Variants in ACOT7 observed in about 807,000 individuals in gnomAD.
ACOT7 encodes acyl-CoA thioesterase 7.
ACOT7 carries 12 observed loss-of-function variants against 40.2 expected under a neutral mutation model. The ratio of observed to expected loss-of-function variants is 0.30; its 90% CI spans 0.19 to 0.48. The LOEUF is 0.48. Among genes scored for constraint, ACOT7 ranks in the 20% least tolerant of loss-of-function variants. The probability of loss-of-function intolerance (pLI) is 0.99; values close to 1 mark genes in which losing one functional copy is unlikely to be tolerated. For missense variants in ACOT7, 395 were observed against 530.8 expected, an observed-to-expected ratio of 0.74 and a Z score of 2.51; for synonymous variants, 228 against 219.5, an observed-to-expected ratio of 1.04 and a Z score of -0.34.
intron 6 of ACOT7, among the ~76,000 whole-genome samples, chr1:6,296,448 G>A (rs1450454192): frequency 2.0e-5 from 3 of 150,950 alleles, no homozygotes; most frequent in Non-Finnish European, 4.4e-5. Context: ...TTTTGAGACG[G>A]AGTCTCGCAC....
chr1:6,356,937 G>T lies in ACOT7; in HGVS notation c.144-7071C>A, dbSNP rs1312958201. 4.7e-5 allele frequency among the ~76,000 whole-genome samples: 7 copies of T among 148,508 alleles called. 1 individual carries two copies. In the East Asian group the frequency reaches 7.9e-4, roughly 17 times the overall value. The stretch of plus-strand genomic sequence containing the variant: ...GTGTCTCAAAAAAAAAAAAAAGGAC[G>T]ACGACGACTACACTTTTGTGGCTGG... On this transcript the variant is annotated intron_variant, in intron 1 of 8. Transcript: ENST00000361521.
chr1:6,305,733 C>T (rs1348727001), intron 6 of ACOT7, among the ~76,000 whole-genome samples: 1 of 150,178 alleles, frequency 6.7e-6, no homozygotes, highest in African/African-American at 2.4e-5. Context: ...AGGCTCCTCA[C>T]ATCCCAGACG....
intron 5 of ACOT7, among the ~76,000 whole-genome samples, chr1:6,325,299 G>A (rs1640767374): frequency 6.6e-6 from 1 of 152,020 alleles, no homozygotes; most frequent in Non-Finnish European, 1.5e-5. Context: ...TGGGGAGGCT[G>A]AGGCAGGAGA....
rs1219251937 is a variant in ACOT7 at position 6,289,352 on chromosome 1, G to A, written c.829+5512C>T. ...TGACCTCAGGTGATCAGACTGCCTC[G>A]GCCTCCCAAAGTGCTGGGATTACAG... On this transcript the variant is annotated intron_variant, in intron 7 of 8. Transcript: ENST00000361521. The surrounding 1 kb of genome is among the most constrained non-coding windows in gnomAD (Gnocchi z 4.6). Among the ~76,000 whole-genome samples, 6 of 151,164 alleles carry A rather than the reference G, an allele frequency of 4.0e-5. No individual in the cohort carries two copies. The highest frequency in any genetic ancestry group is 9.7e-5 in the African/African-American group (4 of 41,054).
chr1:6,327,787 TG>T (rs199815001), intron 4 of ACOT7, among the ~76,000 whole-genome samples: 1 of 152,282 alleles, frequency 6.6e-6, no homozygotes, highest in African/African-American at 2.4e-5. Context: ...TTCTTTTCTT[TG>T]TTTTTGAGAT....
chr1:6,358,663 G>T lies in ACOT7; in HGVS notation c.144-8797C>A, dbSNP rs2148464422. 6.6e-6 allele frequency among the ~76,000 whole-genome samples: 1 copy of T among 152,318 alleles called. No individual in the cohort carries two copies. Among genetic ancestry groups the T allele is most frequent in the South Asian group, 2.1e-4 (1 of 4,830 alleles). ...AATCTTGGGGGTCAGTAAGAGCCAGGCCAGGTGGGTGCCCTACTGCCCTTC... is the reference window on the plus strand; with the variant it reads ...AATCTTGGGGGTCAGTAAGAGCCAGTCCAGGTGGGTGCCCTACTGCCCTTC... On this transcript the variant is annotated intron_variant, in intron 1 of 8. Transcript: ENST00000361521. The surrounding 1 kb of genome is among the most constrained non-coding windows in gnomAD (Gnocchi z 4.1).
intron 5 of ACOT7, among the ~76,000 whole-genome samples, chr1:6,320,936 C>G (rs1350674724): frequency 6.6e-6 from 1 of 152,240 alleles, no homozygotes; most frequent in Non-Finnish European, 1.5e-5. Flanking sequence ...GATGAGTTAC[C>G]TACACTTGCA....
In ACOT7 at chr1:6,393,365, C is replaced by A; in HGVS notation, c.35G>T (p.Gly12Val). The change falls in exon 1 of 9, where the codon GGC becomes GTC. Residue 12 changes from glycine to valine, a missense_variant. By Grantham distance (109) the Gly-to-Val change is moderately radical. This residue lies in a region of ACOT7 where 86 missense variants were observed against 60.5 expected (regional missense o/e 1.42). Coordinates refer to ENST00000361521, the MANE Select transcript of ACOT7 (RefSeq NM_007274.4). ...CAGAAGGGCGCAGGTGTCTGGCAGG[C>A]CCGGCGCGGAATGAATGAGCCCGGG... Reference protein sequence around the residue: ...ARPGLIHSAPGLPDTCALLQP... With the variant: ...ARPGLIHSAPVLPDTCALLQP... The A allele has an allele frequency of 1.6e-6, 2 of 1,238,354 alleles. No individual in the cohort carries two copies. The highest frequency in any genetic ancestry group is 7.9e-5 in the South Asian group (2 of 25,244). 76.7% of individuals were successfully genotyped at this position (1,238,354 alleles called of 1,614,324 possible).
intron 8 of ACOT7, among the ~76,000 whole-genome samples, chr1:6,266,890 C>T (rs963064831): frequency 6.6e-6 from 1 of 152,244 alleles, no homozygotes; most frequent in South Asian, 2.1e-4. Flanking sequence ...GGGGTTGGTA[C>T]TGGGTTCTGC....
At position 6,338,604 on chromosome 1, in the gene ACOT7, G is replaced by A. The variant is rs533128124; in HGVS notation, c.418+829C>T. Among the ~76,000 whole-genome samples the A allele has an allele frequency of 3.5e-4, 54 of 152,312 alleles. No individual in the cohort carries two copies. The highest frequency in any genetic ancestry group is 1.2e-3 in the African/African-American group (48 of 41,574). On this transcript the variant is annotated intron_variant, in intron 3 of 8. Transcript: ENST00000361521. This position sits in a 1 kb window ranked among gnomAD's most constrained non-coding sequence, Gnocchi z 4.4. ...CTCAGAATGTTCTAGATGCATAATC[G>A]TGCTTGCTACCGGCCCGTCATGAGG...
chr1:6,333,898 A>G (rs113302605), intron 3 of ACOT7, among the ~76,000 whole-genome samples: 5 of 152,266 alleles, frequency 3.3e-5, no homozygotes, highest in Admixed American at 1.3e-4. Context: ...GCCCCTCCCA[A>G]CGCACCCACT....
chr1:6,308,225 C>T (rs1382559937), intron 6 of ACOT7, among the ~76,000 whole-genome samples: 6 of 143,338 alleles, frequency 4.2e-5, no homozygotes, highest in Non-Finnish European at 7.5e-5. Context: ...GAGGGAACCA[C>T]GACCAGGCAG....
intron 5 of ACOT7, among the ~76,000 whole-genome samples, chr1:6,324,787 C>T (rs1640752831): frequency 6.6e-6 from 1 of 152,220 alleles, no homozygotes; most frequent in Non-Finnish European, 1.5e-5. Context: ...TTGGGGCCCA[C>T]CTGCATAACC....
At chr1:6,300,812 C>T (rs763845098) in intron 6 of ACOT7, among the ~76,000 whole-genome samples, 6 of 151,978 alleles carry the variant, frequency 3.9e-5, no homozygotes, top group Non-Finnish European at 7.4e-5. Context: ...TATCCTGATG[C>T]GCGGCCGGTC....
At position 6,275,017 on chromosome 1, in the gene ACOT7, G is replaced by A. The variant is rs960380107; in HGVS notation, c.1014+6085C>T. ...TCACAGATGGGCCTGCTGGCCGTGC[G>A]ACCCCTGGCGAGTGACTCCCTGCCT... On this transcript the variant is annotated intron_variant, in intron 8 of 8. Coordinates refer to ENST00000361521, the MANE Select transcript of ACOT7 (RefSeq NM_007274.4). This position sits in a 1 kb window ranked among gnomAD's most constrained non-coding sequence, Gnocchi z 5.6. 3.3e-5 allele frequency among the ~76,000 whole-genome samples: 5 copies of A among 152,184 alleles called. No homozygotes were observed. The highest frequency in any genetic ancestry group is 1.3e-4 in the Admixed American group (2 of 15,278).
intron 1 of ACOT7, among the ~76,000 whole-genome samples, chr1:6,378,217 G>A (rs1403124920): frequency 6.6e-6 from 1 of 151,468 alleles, no homozygotes; most frequent in East Asian, 1.9e-4. Context: ...ACTGGAACTG[G>A]TGGCCTGGAG....
chr1:6,309,427 T>A (rs967415889), intron 6 of ACOT7, among the ~76,000 whole-genome samples: 3 of 152,072 alleles, frequency 2.0e-5, no homozygotes, highest in African/African-American at 7.2e-5. Flanking sequence ...CTGCCCTGAG[T>A]CTTTCCGCCT....
chr1:6,344,940 G>A lies in ACOT7; in HGVS notation c.261+4809C>T, dbSNP rs143915672. ...AGAGGTGGCTCTGTGTGTCTGATGGGTACAGATGGCAGGAGCCGGGACCCA... is the reference window on the plus strand; with the variant it reads ...AGAGGTGGCTCTGTGTGTCTGATGGATACAGATGGCAGGAGCCGGGACCCA... On this transcript the variant is annotated intron_variant, in intron 2 of 8. Coordinates refer to ENST00000361521, the MANE Select transcript of ACOT7 (RefSeq NM_007274.4). Among the ~76,000 whole-genome samples, 62 of 152,288 alleles carry A rather than the reference G, an allele frequency of 4.1e-4. No homozygotes were observed. In the East Asian group the frequency reaches 0.012, roughly 29 times the overall value.
intron 6 of ACOT7, among the ~76,000 whole-genome samples, chr1:6,314,800 G>A (rs1640436597): frequency 6.7e-6 from 1 of 149,938 alleles, no homozygotes; most frequent in South Asian, 2.1e-4. Flanking sequence ...GATGATGACG[G>A]TCCTCCACAC....
Sources: gnomAD v4.1 joint callset for allele counts (sites outside exome capture counted in the v4.1 genomes callset) on GRCh38, gnomAD v4.1.1 for gene constraint, gnomAD v4.1.1 regional missense constraint, Gnocchi (gnomAD v3.1) non-coding constraint, MANE v1.5 for transcripts, NCBI Gene and HGNC (gene_info 2026-07-23, HGNC 2026-07-21) for gene names.